The following MDFIC2 variants were observed in gnomAD, a reference collection of about 807,000 sequenced individuals.
MDFIC2 encodes the protein myoD family inhibitor domain-containing protein 2.
At chr3:70,279,070 C>A in intron 2 of MDFIC2, among the ~76,000 whole-genome samples, 1 of 149,876 alleles carries the variant, frequency 6.7e-6, no homozygotes, top group Non-Finnish European at 1.5e-5. Flanking sequence ...CTAACATCTT[C>A]TCATTTGCCC....
chr3:70,271,044 AAATAT>A (rs1701971861), intron 2 of MDFIC2, among the ~76,000 whole-genome samples: 1 of 152,204 alleles, frequency 6.6e-6, no homozygotes, highest in Non-Finnish European at 1.5e-5. Flanking sequence ...AATAAAAAAG[AAATAT>A]TGAAAATAAA....
At chr3:70,284,944 A>G (rs1371451500) in intron 2 of MDFIC2, among the ~76,000 whole-genome samples, 1 of 152,162 alleles carries the variant, frequency 6.6e-6, no homozygotes, top group Non-Finnish European at 1.5e-5. Context: ...TAACTGATTC[A>G]TGTGCTTTTG....
intron 2 of MDFIC2, among the ~76,000 whole-genome samples, chr3:70,272,934 T>C (rs1701988045): frequency 6.6e-6 from 1 of 152,200 alleles, no homozygotes; most frequent in Non-Finnish European, 1.5e-5. Flanking sequence ...GCAAAAACCC[T>C]GAGGAGTCAT....
intron 3 of MDFIC2, among the ~76,000 whole-genome samples, chr3:70,198,441 T>C (rs987584870): frequency 6.6e-6 from 1 of 152,214 alleles, no homozygotes; most frequent in African/African-American, 2.4e-5. Context: ...CATATAATAG[T>C]CTTTAAGTGA....
chr3:70,225,281 C>A (rs1232419425), intron 2 of MDFIC2, among the ~76,000 whole-genome samples: 2 of 152,156 alleles, frequency 1.3e-5, no homozygotes, highest in Admixed American at 1.3e-4. Flanking sequence ...TTCTTGAATT[C>A]TCTTCAGTGT....
intron 3 of MDFIC2, among the ~76,000 whole-genome samples, chr3:70,206,299 A>G (rs1289657008): frequency 2.0e-5 from 3 of 152,034 alleles, no homozygotes; most frequent in Non-Finnish European, 2.9e-5. Flanking sequence ...TATCTGCCTC[A>G]TAGCCCCATA....
At chr3:70,207,340 T>C (rs2106725092) in intron 2 of MDFIC2, among the ~76,000 whole-genome samples, 1 of 152,236 alleles carries the variant, frequency 6.6e-6, no homozygotes, top group Middle Eastern at 3.4e-3. Context: ...TTTCTCTGCC[T>C]TGGTATTTAA....
intron 2 of MDFIC2, among the ~76,000 whole-genome samples, chr3:70,284,865 A>G (rs527613000): frequency 6.6e-6 from 1 of 152,278 alleles, no homozygotes; most frequent in African/African-American, 2.4e-5. Flanking sequence ...TTACCTATGT[A>G]ACAAACCTGC....
chr3:70,205,303 T>C (rs1461511462), intron 3 of MDFIC2: 1 of 152,066 alleles, frequency 6.6e-6, no homozygotes, highest in East Asian at 1.9e-4. Flanking sequence ...GCTCTCCAGC[T>C]TGCCATAGTC....
intron 2 of MDFIC2, among the ~76,000 whole-genome samples, chr3:70,224,139 A>G (rs751464243): frequency 6.6e-6 from 1 of 152,156 alleles, no homozygotes; most frequent in Non-Finnish European, 1.5e-5. Context: ...GCAGAGGGAA[A>G]ATAATTGAAT....
intron 2 of MDFIC2, among the ~76,000 whole-genome samples, chr3:70,209,958 TAAC>T (rs1441002928): frequency 6.6e-6 from 1 of 152,128 alleles, no homozygotes; most frequent in Non-Finnish European, 1.5e-5. Context: ...AGCTGATAGA[TAAC>T]GAGACCTTGA....
At chr3:70,198,345 A>G (rs1367911352) in intron 3 of MDFIC2, among the ~76,000 whole-genome samples, 1 of 152,148 alleles carries the variant, frequency 6.6e-6, no homozygotes, top group Non-Finnish European at 1.5e-5. Context: ...ATAAGCATAT[A>G]GAAGAGATTT....
At chr3:70,211,806 ACCCTT>A (rs145589758) in intron 2 of MDFIC2, among the ~76,000 whole-genome samples, 989 of 56,972 alleles carry the variant, frequency 0.017, 6 homozygotes, top group African/African-American at 0.056. Context: ...TCCTTTCCTT[ACCCTT>A]CCCTTCCCTT....
intron 2 of MDFIC2, among the ~76,000 whole-genome samples, chr3:70,302,950 A>G (rs1214009114): frequency 6.6e-6 from 1 of 152,184 alleles, no homozygotes; most frequent in Non-Finnish European, 1.5e-5. Flanking sequence ...CTGGAATTTA[A>G]TTTGTTGGCC....
chr3:70,278,605 T>C (rs767397225), intron 2 of MDFIC2, among the ~76,000 whole-genome samples: 12 of 152,144 alleles, frequency 7.9e-5, no homozygotes, highest in Non-Finnish European at 1.3e-4. Context: ...TTGAATGCCT[T>C]TATTGACTAC....
At chr3:70,279,491 T>A (rs1283806813) in intron 2 of MDFIC2, among the ~76,000 whole-genome samples, 1 of 152,124 alleles carries the variant, frequency 6.6e-6, no homozygotes, top group Admixed American at 6.5e-5. Context: ...ACACAAATCT[T>A]GTGCACTTTC....
intron 2 of MDFIC2, among the ~76,000 whole-genome samples, chr3:70,259,363 A>G (rs781087251): frequency 6.6e-6 from 1 of 152,120 alleles, no homozygotes; most frequent in African/African-American, 2.4e-5. Context: ...ACCTTGATAG[A>G]CAGTGGAAGA....
chr3:70,203,482 C>A (rs890063051), intron 3 of MDFIC2, among the ~76,000 whole-genome samples: 3 of 152,100 alleles, frequency 2.0e-5, no homozygotes, highest in Non-Finnish European at 4.4e-5. Flanking sequence ...TAAGTTCAGA[C>A]AAGCACAACT....
chr3:70,266,246 T>C (rs1295020918), intron 2 of MDFIC2, among the ~76,000 whole-genome samples: 2 of 152,164 alleles, frequency 1.3e-5, no homozygotes, highest in Non-Finnish European at 2.9e-5. Context: ...TGTGAGTTGA[T>C]GTGACCTATT....
Sources: allele counts gnomAD v4.1 joint callset (sites outside exome capture counted in the v4.1 genomes callset), GRCh38; gene constraint gnomAD v4.1.1; transcripts MANE v1.5; gene names NCBI Gene and HGNC (gene_info 2026-07-23, HGNC 2026-07-21).